PRRC2C: variants seen among roughly 807,000 people sequenced by gnomAD.
PRRC2C encodes protein PRRC2C.
Under a neutral mutation model 317.2 loss-of-function variants are expected in PRRC2C, and 72 were observed. That is an observed-to-expected ratio of 0.23 (90% CI 0.19 to 0.28). The LOEUF is 0.28. Among genes scored for constraint, PRRC2C ranks in the 10% least tolerant of loss-of-function variants. The probability of loss-of-function intolerance (pLI) is 1.00; values close to 1 mark genes in which losing one functional copy is unlikely to be tolerated. For synonymous variants in PRRC2C, 1,296 were observed against 1,205.9 expected (o/e 1.07, Z -1.55); for missense variants, 3,074 against 3,459.7 (o/e 0.89, Z 2.80).
intron 12 of PRRC2C, among the ~76,000 whole-genome samples, chr1:171,533,874 G>A (rs7535044): frequency 0.012 from 1,803 of 152,134 alleles, 8 homozygotes; most frequent in Non-Finnish European, 0.018. Flanking sequence ...TGCCTGCCTC[G>A]GCCTCCCAAA....
chr1:171,588,554 G>T (rs1282627215), intron 33 of PRRC2C, 49 bp downstream of exon 33: 2 of 1,559,018 alleles, frequency 1.3e-6, no homozygotes. Flanking sequence ...AAAAATAGTT[G>T]CTAATCTGAT....
chr1:171,540,290 A>G lies in PRRC2C; in HGVS notation c.2824A>G (p.Ser942Gly), dbSNP rs1677730493. The G allele has an allele frequency of 6.2e-7, 1 of 1,613,894 alleles. No homozygotes were observed. The highest frequency in any genetic ancestry group is 8.5e-7 in the Non-Finnish European group (1 of 1,179,884). The change falls in exon 16 of 35, where the codon AGT becomes GGT. Residue 942 changes from serine to glycine, a missense_variant. By Grantham distance (56) the Ser-to-Gly change is moderately conservative. This residue lies in a region of PRRC2C where 1,320 missense variants were observed against 1,395.7 expected (regional missense o/e 0.95). Coordinates refer to ENST00000647382, the MANE Select transcript of PRRC2C (RefSeq NM_001387844.1). ...NHTQKPDEQRSEPSAGIPKVT... is the reference protein window; with the variant it reads ...NHTQKPDEQRGEPSAGIPKVT... ...TACGCAAAAACCAGACGAGCAGAGA[A>G]GTGAACCATCTGCAGGCATTCCTAA...
At chr1:171,526,687 CAG>C (rs1459748489) in intron 10 of PRRC2C, among the ~76,000 whole-genome samples, 1 of 151,460 alleles carries the variant, frequency 6.6e-6, no homozygotes, top group African/African-American at 2.4e-5. Context: ...ACTGAAATAG[CAG>C]AGTGATTGCA....
intron 19 of PRRC2C, among the ~76,000 whole-genome samples, chr1:171,559,505 GT>G (rs1236663155): frequency 2.1e-5 from 2 of 95,130 alleles, no homozygotes; most frequent in South Asian, 7.5e-4. Context: ...GGCATACCAA[GT>G]TTGTTTTTTT....
At chr1:171,557,107 G>GTGGTTTGCT in intron 18 of PRRC2C, 133 bp from the exon 19 acceptor site, 1 of 1,413,542 alleles carries the variant, frequency 7.1e-7, no homozygotes. Context: ...TAGCAACCCT[G>GTGGTTTGCT]ACATTTTGTG....
rs745956678 is a variant in PRRC2C at position 171,540,580 on chromosome 1, AGAAAAGGCC to A, written c.3122_3130del (p.Ala1041_Lys1043del). On this transcript the variant is annotated inframe_deletion, in exon 16 of 35. Coordinates refer to ENST00000647382, the MANE Select transcript of PRRC2C (RefSeq NM_001387844.1). ...GGGAACAGAGGAAGGAGAAAGAAGGAGAAAAGGCCGAAAAGGTCACTGAAAAAGTAGTTG... is the reference window on the plus strand; with the variant it reads ...GGGAACAGAGGAAGGAGAAAGAAGGAGAAAAGGTCACTGAAAAAGTAGTTG... The A allele has an allele frequency of 2.5e-6, 4 of 1,613,944 alleles. No individual in the cohort carries two copies. Among genetic ancestry groups the A allele is most frequent in the Admixed American group, 1.7e-5 (1 of 60,014 alleles).
intron 19 of PRRC2C, 52 bp downstream of exon 19, chr1:171,558,195 G>A (rs572884519): frequency 4.8e-5 from 72 of 1,515,392 alleles, no homozygotes; most frequent in Non-Finnish European, 6.2e-5. Context: ...GAATACTGAG[G>A]TTTCTTTTCA....
intron 1 of PRRC2C, among the ~76,000 whole-genome samples, chr1:171,486,748 C>T (rs56207586): frequency 0.16 from 24,341 of 152,032 alleles, 2,001 homozygotes; most frequent in Middle Eastern, 0.29. Flanking sequence ...CCAGAAGAAT[C>T]GGAGGATTTT....
intron 17 of PRRC2C, among the ~76,000 whole-genome samples, chr1:171,547,633 C>CTTTTTTTTTTTTTTTTTT (rs35480518): frequency 7.7e-6 from 1 of 129,840 alleles, no homozygotes; most frequent in Non-Finnish European, 1.6e-5. Flanking sequence ...AGTTTCCCTT[C>CTTTTTTTTTTTTTTTTTT]TTTTTTTTTT....
At chr1:171,576,748 A>G (rs1685761752) in intron 25 of PRRC2C, among the ~76,000 whole-genome samples, 1 of 151,980 alleles carries the variant, frequency 6.6e-6, no homozygotes, top group Admixed American at 6.6e-5. Flanking sequence ...GCTGGAGTGC[A>G]GCGATGTCAT....
intron 6 of PRRC2C, among the ~76,000 whole-genome samples, chr1:171,519,871 A>G (rs1216718994): frequency 1.3e-5 from 2 of 152,194 alleles, no homozygotes; most frequent in East Asian, 1.9e-4. Flanking sequence ...GGGCTGTGCT[A>G]ATCTTCTCTG....
Position 171,527,859 on chromosome 1 carries a change from CT to C in PRRC2C, c.1254+17del. The C allele has an allele frequency of 6.4e-7, 1 of 1,559,440 alleles. No individual in the cohort carries two copies. The highest frequency in any genetic ancestry group is 1.4e-5 in the African/African-American group (1 of 73,352). ...TTGCACAGCAGGTAAATTTTAAGTG[CT>C]TGTTTATGGATTATATATTTTATTT... On this transcript the variant is annotated intron_variant, in intron 11 of 34. Coordinates refer to ENST00000647382, the MANE Select transcript of PRRC2C (RefSeq NM_001387844.1).
chr1:171,577,553 C>A lies in PRRC2C; in HGVS notation c.7075C>A (p.His2359Asn), dbSNP rs778491506. 9 of 1,613,768 alleles carry A rather than the reference C, an allele frequency of 5.6e-6. No homozygotes were observed. The Admixed American group carries it at 1.0e-4, about 18-fold the overall frequency. Reference sequence around the variant, plus strand: ...GACAAGCAGCCTGCCTTCTGCAAGTCATTTTTCACAGTTAAGCTGTATGCC... The same window carrying A: ...GACAAGCAGCCTGCCTTCTGCAAGTAATTTTTCACAGTTAAGCTGTATGCC... Reference protein sequence around the residue: ...LQTSSLPSASHFSQLSCMPSL... With the variant: ...LQTSSLPSASNFSQLSCMPSL... The change falls in exon 26 of 35, where the codon CAT (histidine) becomes AAT (asparagine). Residue 2359 changes from histidine to asparagine, a missense_variant. Coordinates refer to ENST00000647382, the MANE Select transcript of PRRC2C (RefSeq NM_001387844.1).
intron 6 of PRRC2C, 37 bp from the exon 7 acceptor site, chr1:171,522,140 G>A (rs1419337229): frequency 2.5e-6 from 3 of 1,224,466 alleles, no homozygotes; most frequent in Non-Finnish European, 3.4e-6. Context: ...TAACTAGGTT[G>A]CTAAATTTAT....
In PRRC2C at chr1:171,532,943, G is replaced by A. The variant is rs770042199; in HGVS notation, c.1855G>A (p.Glu619Lys). 1.3e-6 allele frequency: 2 copies of A among 1,555,896 alleles called. No homozygotes were observed. Among genetic ancestry groups the A allele is most frequent in the South Asian group, 2.5e-5 (2 of 79,988 alleles). Residue 619 changes from glutamate to lysine, a missense_variant, in exon 12 of 35, where the codon GAA (glutamate) becomes AAA (lysine). Physicochemically the swap from Glu to Lys is moderately conservative, Grantham distance 56. Around this residue, in one of 11 missense-constraint regions of PRRC2C, gnomAD observed 1,320 missense variants for 1,395.7 expected, o/e 0.95. Coordinates refer to ENST00000647382, the MANE Select transcript of PRRC2C (RefSeq NM_001387844.1). Reference protein sequence around the residue: ...LEPMVEKQESENSCNKEEEPV... With the variant: ...LEPMVEKQESKNSCNKEEEPV... ...GCCCATGGTAGAAAAACAAGAAAGT[G>A]AAAACAGCTGTAATAAAGGTTTGAT...
intron 1 of PRRC2C, among the ~76,000 whole-genome samples, chr1:171,500,607 G>T (rs1174085947): frequency 6.6e-6 from 1 of 152,128 alleles, no homozygotes; most frequent in African/African-American, 2.4e-5. Flanking sequence ...TGTTGCCCAG[G>T]TTGTCTCCAG....
rs763401414 is a variant in PRRC2C at position 171,557,941 on chromosome 1, G to C, written c.5829G>C (p.Gln1943His). The change falls in exon 19 of 35, where the codon CAG becomes CAC. Residue 1943 changes from glutamine (Q) to histidine (H), a missense_variant. Gln to His is a conservative substitution (Grantham distance 24). Around this residue, in one of 11 missense-constraint regions of PRRC2C, gnomAD observed 640 missense variants for 676.1 expected, o/e 0.95. Coordinates refer to ENST00000647382, the MANE Select transcript of PRRC2C (RefSeq NM_001387844.1). ...AGGCACAGACCCACAAACCAGTCCA[G>C]AATCCACTACAGACTACATCTCAGT... ...QTQAQTHKPV[Q>H]NPLQTTSQSS... 6 of 1,587,500 alleles carry C rather than the reference G, an allele frequency of 3.8e-6. No homozygotes were observed. Among genetic ancestry groups the C allele is most frequent in the Non-Finnish European group, 5.1e-6 (6 of 1,168,888 alleles).
intron 14 of PRRC2C, among the ~76,000 whole-genome samples, 170 bp downstream of exon 14, chr1:171,536,448 C>T (rs1241336563): frequency 6.6e-6 from 1 of 152,040 alleles, no homozygotes; most frequent in Non-Finnish European, 1.5e-5. Context: ...ACTCATATTA[C>T]TTATGTGGCA....
rs1392520443 is a variant in PRRC2C at position 171,587,231 on chromosome 1, G to C, written c.7968+10G>C. ...TGCAACCACAGGAAAAGTAAGTAAA[G>C]AGACATTTGCACAGGTTATTTGAGA... On this transcript the variant is annotated intron_variant, in intron 31 of 34. Transcript: ENST00000647382. 1.3e-6 allele frequency: 2 copies of C among 1,579,106 alleles called. No homozygotes were observed. The highest frequency in any genetic ancestry group is 2.3e-5 in the South Asian group (2 of 86,428).
Sources: allele counts gnomAD v4.1 joint callset (sites outside exome capture counted in the v4.1 genomes callset), GRCh38; gene constraint gnomAD v4.1.1; regional missense constraint gnomAD v4.1.1; transcripts MANE v1.5; gene names NCBI Gene and HGNC (gene_info 2026-07-23, HGNC 2026-07-21).